MAGI2: variants seen among roughly 807,000 people sequenced by gnomAD.
MAGI2 encodes the protein membrane associated guanylate kinase, WW and PDZ domain containing 2, also known as membrane-associated guanylate kinase, WW and PDZ domain-containing protein 2.
A neutral mutation model predicts 133.3 loss-of-function variants in MAGI2; 35 were observed. That is an observed-to-expected ratio of 0.26 (90% CI 0.20 to 0.35). MAGI2 has a LOEUF of 0.35. MAGI2 is among the 10% of genes least tolerant of loss of function. MAGI2 has a pLI of 1.00. For missense variants in MAGI2, 1,636 were observed against 1,863.4 expected, an observed-to-expected ratio of 0.88 and a Z score of 2.25; for synonymous variants, 729 against 710.6, an observed-to-expected ratio of 1.03 and a Z score of -0.41.
At chr7:78,227,698 G>A (rs954383356) in intron 10 of MAGI2, among the ~76,000 whole-genome samples, 3 of 152,050 alleles carry the variant, frequency 2.0e-5, no homozygotes, top group African/African-American at 7.2e-5. Context: ...CTCTTCACAG[G>A]CATGAGTGAA....
intron 3 of MAGI2, among the ~76,000 whole-genome samples, chr7:78,560,076 G>A (rs1800250476): frequency 6.6e-6 from 1 of 152,134 alleles, no homozygotes; most frequent in African/African-American, 2.4e-5. Context: ...CATGTTCCAT[G>A]CCCACACAAA....
rs1175231614 is a variant in MAGI2 at position 79,301,518 on chromosome 7, A to G, written c.301+151502T>C. 3.9e-5 allele frequency among the ~76,000 whole-genome samples: 6 copies of G among 152,290 alleles called. No homozygotes were observed. In the East Asian group the frequency reaches 7.7e-4, roughly 20 times the overall value. ...CTTTTGGAACAAAAATGTTTACCCAATGCCTGTACTCCCATTGTATCTTGG... is the reference window on the plus strand; with the variant it reads ...CTTTTGGAACAAAAATGTTTACCCAGTGCCTGTACTCCCATTGTATCTTGG... On this transcript the variant is annotated intron_variant, in intron 1 of 21. Transcript: ENST00000354212.
At chr7:78,489,306 T>C (rs779685286) in intron 6 of MAGI2, among the ~76,000 whole-genome samples, 10 of 152,110 alleles carry the variant, frequency 6.6e-5, no homozygotes, top group Non-Finnish European at 1.5e-4. Context: ...TTTATTTAAA[T>C]GCTTGATTCA....
chr7:78,411,352 T>C (rs1189880079), intron 6 of MAGI2, among the ~76,000 whole-genome samples: 2 of 152,044 alleles, frequency 1.3e-5, no homozygotes, highest in Non-Finnish European at 2.9e-5. Context: ...TGAACTGAGA[T>C]TTCTTACTTT....
At chr7:78,865,818 A>G (rs746328387) in intron 2 of MAGI2, among the ~76,000 whole-genome samples, 6 of 152,192 alleles carry the variant, frequency 3.9e-5, no homozygotes, top group Non-Finnish European at 7.4e-5. Flanking sequence ...AGAGATTTAC[A>G]TGTCCCTTAA....
At chr7:78,363,126 A>G (rs562944741) in intron 7 of MAGI2, among the ~76,000 whole-genome samples, 1 of 152,368 alleles carries the variant, frequency 6.6e-6, no homozygotes, top group South Asian at 2.1e-4. Flanking sequence ...TAATTATGAC[A>G]ATATAACCTC....
chr7:79,182,282 C>A (rs887515600), intron 1 of MAGI2, among the ~76,000 whole-genome samples: 2 of 152,020 alleles, frequency 1.3e-5, no homozygotes, highest in Non-Finnish European at 2.9e-5. Flanking sequence ...AACAGTTCCA[C>A]ATAATTGGGG....
At position 78,078,981 on chromosome 7, in the gene MAGI2, C is replaced by T. The variant is rs1563093250; in HGVS notation, c.3672G>A (p.Leu1224=). 1.2e-6 allele frequency: 2 copies of T among 1,613,706 alleles called. No individual in the cohort carries two copies. Among genetic ancestry groups the T allele is most frequent in the Non-Finnish European group, 1.7e-6 (2 of 1,179,966 alleles). Residue 1224 remains leucine (L), a synonymous_variant, in exon 21 of 22, where the codon CTG becomes CTA. Transcript: ENST00000354212. ...GGACCTGTCCCGTGCCTCTCTTGAG[C>T]AGCAGCCTCACTCGTCTTCCTCCAG... is the stretch of plus-strand genomic sequence containing the variant. ...IKSGGRRVRL[L]LKRGTGQVPE...
chr7:78,901,099 T>A (rs1797588230), intron 2 of MAGI2, among the ~76,000 whole-genome samples: 2 of 152,184 alleles, frequency 1.3e-5, no homozygotes, highest in Non-Finnish European at 2.9e-5. Flanking sequence ...CCTCAAACCC[T>A]TGTCCTTCCA....
intron 1 of MAGI2, among the ~76,000 whole-genome samples, chr7:79,212,871 A>T (rs1253165603): frequency 6.6e-6 from 1 of 152,036 alleles, no homozygotes; most frequent in Non-Finnish European, 1.5e-5. Context: ...ATGGTAGGAC[A>T]GGTTTTGAGC....
chr7:78,890,763 T>A (rs1254082007), intron 2 of MAGI2, among the ~76,000 whole-genome samples: 1 of 152,010 alleles, frequency 6.6e-6, no homozygotes, highest in Non-Finnish European at 1.5e-5. Flanking sequence ...TAAATTCCCA[T>A]AAGAGAAAGC....
At chr7:78,097,582 A>G (rs1007274596) in intron 20 of MAGI2, among the ~76,000 whole-genome samples, 9 of 152,190 alleles carry the variant, frequency 5.9e-5, no homozygotes, top group Non-Finnish European at 1.0e-4. Flanking sequence ...CAAATACTGC[A>G]TGTTCTCACT....
At chr7:78,646,809 T>C (rs1053340629) in intron 2 of MAGI2, among the ~76,000 whole-genome samples, 4 of 152,162 alleles carry the variant, frequency 2.6e-5, no homozygotes, top group Non-Finnish European at 5.9e-5. Context: ...TCACACAACA[T>C]CACCTCACTT....
chr7:78,179,925 T>C (rs763690712), intron 13 of MAGI2, among the ~76,000 whole-genome samples: 5 of 152,004 alleles, frequency 3.3e-5, no homozygotes, highest in Admixed American at 6.6e-5. Flanking sequence ...CCTTTGGGAG[T>C]CTGGAGGCAG....
intron 1 of MAGI2, among the ~76,000 whole-genome samples, chr7:79,285,217 A>G (rs1835914573): frequency 6.6e-6 from 1 of 152,076 alleles, no homozygotes; most frequent in Admixed American, 6.6e-5. Flanking sequence ...CCCAGTTTAA[A>G]TATCCATTAC....
intron 2 of MAGI2, among the ~76,000 whole-genome samples, chr7:78,823,425 T>A (rs1790313267): frequency 6.6e-6 from 1 of 151,616 alleles, no homozygotes; most frequent in African/African-American, 2.4e-5. Flanking sequence ...CTACTAAAAA[T>A]ACAAAAAATT....
intron 1 of MAGI2, among the ~76,000 whole-genome samples, chr7:79,404,518 A>T (rs1448007133): frequency 1.3e-5 from 2 of 152,082 alleles, no homozygotes; most frequent in Non-Finnish European, 2.9e-5. Context: ...TTTCTTCTTG[A>T]GTTATATGAA....
intron 1 of MAGI2, among the ~76,000 whole-genome samples, chr7:79,180,051 T>C (rs1235209657): frequency 1.3e-5 from 2 of 151,894 alleles, no homozygotes; most frequent in African/African-American, 4.8e-5. Context: ...ATCCTGAATA[T>C]ACAGGAAACT....
At chr7:78,476,624 T>A (rs1007900841) in intron 6 of MAGI2, among the ~76,000 whole-genome samples, 2 of 152,002 alleles carry the variant, frequency 1.3e-5, no homozygotes, top group Non-Finnish European at 2.9e-5. Context: ...AGTTTAGGTA[T>A]CAAAACACAA....
Sources: gnomAD v4.1 joint callset for allele counts (sites outside exome capture counted in the v4.1 genomes callset) on GRCh38, gnomAD v4.1.1 for gene constraint, MANE v1.5 for transcripts, NCBI Gene and HGNC (gene_info 2026-07-23, HGNC 2026-07-21) for gene names.